Variants in KCNC1 observed in about 807,000 individuals in gnomAD.
KCNC1 encodes the protein potassium voltage-gated channel subfamily C member 1.
In KCNC1, 8 loss-of-function variants were observed where a neutral mutation model predicts 43.4. That is an observed-to-expected ratio of 0.18 (90% CI 0.11 to 0.33). The LOEUF is 0.33. Ranked by LOEUF, KCNC1 falls within the 10% of genes least tolerant of loss-of-function variation. KCNC1 has a pLI of 1.00. For synonymous variants in KCNC1, 361 were observed against 360.5 expected, an observed-to-expected ratio of 1.00 and a Z score of -0.01; for missense variants, 420 against 836.0, an observed-to-expected ratio of 0.50 and a Z score of 6.14.
At chr11:17,764,295 ACAC>A (rs1448235960) in intron 1 of KCNC1, among the ~76,000 whole-genome samples, 3 of 151,160 alleles carry the variant, frequency 2.0e-5, no homozygotes, top group South Asian at 2.1e-4. Context: ...ACACTCACAC[ACAC>A]CACTTCATAC....
In KCNC1 at chr11:17,735,925, C is replaced by G. The variant is rs1471832462; in HGVS notation, c.-78C>G. ...GAGGGGGGAAGAGGGCGCGCGCCCC[C>G]CTCCCCGGCGCCAACTCCCCCTGGC... On this transcript the variant is annotated 5_prime_UTR_variant, in exon 1 of 4. Coordinates refer to ENST00000265969, the MANE Select transcript of KCNC1 (RefSeq NM_001112741.2). This position sits in a 1 kb window ranked among gnomAD's most constrained non-coding sequence, Gnocchi z 6.7. 7.3e-7 allele frequency: 1 copy of G among 1,376,418 alleles called. No individual in the cohort carries two copies. The highest frequency in any genetic ancestry group is 9.3e-7 in the Non-Finnish European group (1 of 1,072,220). 85.3% of individuals were successfully genotyped at this position (1,376,418 alleles called of 1,614,324 possible). A position where few individuals can be genotyped will look rare whatever the true frequency, so the allele number is the denominator to read the frequency against.
At position 17,777,868 on chromosome 11, in the gene KCNC1, G is replaced by A. The variant is rs955247013; in HGVS notation, c.1505-1588G>A. The A allele has an allele frequency of 9.1e-6, 9 of 986,166 alleles. No homozygotes were observed. Among genetic ancestry groups the A allele is most frequent in the Admixed American group, 1.2e-4 (2 of 16,278 alleles). The allele number at this position is 986,166 out of a possible 1,614,324, so 61.1% of individuals were successfully genotyped here. On this transcript the variant is annotated intron_variant, in intron 2 of 3. Transcript: ENST00000265969. The surrounding 1 kb of genome is among the most constrained non-coding windows in gnomAD (Gnocchi z 4.3). Reference sequence around the variant, plus strand: ...TTGTAGTGACATGATGTGTACACGGGCGGTAATCCCACCCACGTGCACGCC... The same window carrying A: ...TTGTAGTGACATGATGTGTACACGGACGGTAATCCCACCCACGTGCACGCC...
chr11:17,757,688 A>T (rs1341796923), intron 1 of KCNC1, among the ~76,000 whole-genome samples: 1 of 152,220 alleles, frequency 6.6e-6, no homozygotes, highest in Non-Finnish European at 1.5e-5. Context: ...AGCAAGTCAC[A>T]TATTTTTTGG....
chr11:17,767,834 T>C (rs1250581867), intron 1 of KCNC1, among the ~76,000 whole-genome samples: 1 of 152,246 alleles, frequency 6.6e-6, no homozygotes, highest in Non-Finnish European at 1.5e-5. Context: ...ACCTGGCTTC[T>C]GCTGCCTGCT....
intron 1 of KCNC1, among the ~76,000 whole-genome samples, chr11:17,747,679 G>GCT (rs1427182257): frequency 6.6e-6 from 1 of 152,210 alleles, no homozygotes; most frequent in African/African-American, 2.4e-5. Flanking sequence ...AGCCAGCTGA[G>GCT]CTCAGGGGGG....
intron 1 of KCNC1, among the ~76,000 whole-genome samples, chr11:17,748,181 G>A (rs567644392): frequency 2.6e-5 from 4 of 152,214 alleles, no homozygotes; most frequent in South Asian, 4.1e-4. Flanking sequence ...GTTTTAACTC[G>A]TGCGGCAGGG....
At chr11:17,751,935 G>A (rs1848973889) in intron 1 of KCNC1, among the ~76,000 whole-genome samples, 1 of 152,182 alleles carries the variant, frequency 6.6e-6, no homozygotes, top group Non-Finnish European at 1.5e-5. Context: ...GCTCAGGCAG[G>A]ATGTGTTCAA....
intron 1 of KCNC1, among the ~76,000 whole-genome samples, chr11:17,746,867 G>A (rs1465061023): frequency 6.6e-6 from 1 of 152,120 alleles, no homozygotes; most frequent in Non-Finnish European, 1.5e-5. Flanking sequence ...CCTTGGATAA[G>A]TCTCCTAACC....
chr11:17,751,831 G>C (rs1848972110), intron 1 of KCNC1, among the ~76,000 whole-genome samples: 1 of 152,218 alleles, frequency 6.6e-6, no homozygotes. Flanking sequence ...ACCCTAGGCT[G>C]TGTGAGAGAG....
chr11:17,752,564 A>T (rs1565157430), intron 1 of KCNC1, among the ~76,000 whole-genome samples: 1 of 152,264 alleles, frequency 6.6e-6, no homozygotes, highest in Non-Finnish European at 1.5e-5. Flanking sequence ...GCATACTTGC[A>T]CCAATGCAAA....
intron 2 of KCNC1, chr11:17,774,091 A>G (rs1010807067): frequency 3.0e-6 from 3 of 985,410 alleles, no homozygotes; most frequent in African/African-American, 1.7e-5. Context: ...TTCTTTGCCC[A>G]TGGGGGTTTC....
chr11:17,756,555 A>G (rs1001103706), intron 1 of KCNC1, among the ~76,000 whole-genome samples: 2 of 140,220 alleles, frequency 1.4e-5, no homozygotes, highest in South Asian at 2.4e-4. Flanking sequence ...ACACACACAC[A>G]CACGCATGTA....
At chr11:17,737,063 A>C (rs886158377) in intron 1 of KCNC1, among the ~76,000 whole-genome samples, 1 of 152,142 alleles carries the variant, frequency 6.6e-6, no homozygotes, top group Non-Finnish European at 1.5e-5. Context: ...GGAGCCAGCC[A>C]TGGTCCCCCA....
At chr11:17,766,962 A>G (rs567952381) in intron 1 of KCNC1, among the ~76,000 whole-genome samples, 227 of 60,950 alleles carry the variant, frequency 3.7e-3, no homozygotes, top group Admixed American at 0.015. Context: ...TCTACTAAAA[A>G]ATACCAAAAA....
At chr11:17,767,502 C>T (rs1453925694) in intron 1 of KCNC1, among the ~76,000 whole-genome samples, 1 of 152,126 alleles carries the variant, frequency 6.6e-6, no homozygotes, top group African/African-American at 2.4e-5. Flanking sequence ...GGAGCTCTTT[C>T]CTTTCTCCAG....
At chr11:17,770,412 G>C (rs1039784321) in intron 1 of KCNC1, among the ~76,000 whole-genome samples, 22 of 152,232 alleles carry the variant, frequency 1.4e-4, no homozygotes, top group African/African-American at 4.8e-4. Flanking sequence ...CCCTGAGAGA[G>C]GGCTGACTGG....
chr11:17,756,520 AACACACAC>A (rs3051818), intron 1 of KCNC1, among the ~76,000 whole-genome samples: 44,249 of 143,880 alleles, frequency 0.31, 8,162 homozygotes, highest in East Asian at 0.67. Flanking sequence ...CTTCCCTCCA[AACACACAC>A]ACACACACAC....
intron 2 of KCNC1, among the ~76,000 whole-genome samples, chr11:17,778,878 TG>T (rs1436638458): frequency 7.0e-4 from 28 of 39,766 alleles, no homozygotes; most frequent in African/African-American, 2.5e-3. Flanking sequence ...AGATGGGGGG[TG>T]GGGGTGGTGT....
At chr11:17,772,911 T>C in intron 2 of KCNC1, 1 of 1,231,822 alleles carries the variant, frequency 8.1e-7, no homozygotes, top group Non-Finnish European at 1.0e-6. Flanking sequence ...AGGGGGGCTC[T>C]GCTTGGTGGG....
Sources: allele counts gnomAD v4.1 joint callset (sites outside exome capture counted in the v4.1 genomes callset), GRCh38; gene constraint gnomAD v4.1.1; non-coding constraint Gnocchi (gnomAD v3.1); transcripts MANE v1.5; gene names NCBI Gene and HGNC (gene_info 2026-07-23, HGNC 2026-07-21).